The following ADAM12 variants were observed in gnomAD, a reference collection of about 807,000 sequenced individuals.
The protein encoded by ADAM12 is ADAM metallopeptidase domain 12.
A neutral mutation model predicts 106.4 loss-of-function variants in ADAM12; 70 were observed. That is an observed-to-expected ratio of 0.66 (90% confidence interval 0.54 to 0.80). The LOEUF (loss-of-function observed/expected upper bound fraction) is 0.80, where lower values mean the gene tolerates loss of function less well. ADAM12 is among the 30% of genes least tolerant of loss of function. The pLI, the probability that ADAM12 is intolerant of heterozygous loss-of-function variation, is 0.00. For synonymous variants in ADAM12, 420 were observed against 433.5 expected (o/e 0.97, Z 0.39); for missense variants, 1,010 against 1,171.9 (o/e 0.86, Z 2.02).
intron 2 of ADAM12, among the ~76,000 whole-genome samples, chr10:126,303,163 G>C (rs545282349): frequency 6.0e-4 from 91 of 152,290 alleles, no homozygotes; most frequent in African/African-American, 2.0e-3. Context: ...TTGCTGTTTT[G>C]GGAAGCATCG....
intron 2 of ADAM12, among the ~76,000 whole-genome samples, chr10:126,282,763 C>A (rs1269686703): frequency 1.3e-5 from 2 of 152,044 alleles, no homozygotes; most frequent in African/African-American, 4.8e-5. Context: ...TCTTAAAATG[C>A]TGTTATGCAT....
At chr10:126,373,520 G>A (rs897276169) in intron 1 of ADAM12, among the ~76,000 whole-genome samples, 2 of 152,208 alleles carry the variant, frequency 1.3e-5, no homozygotes, top group African/African-American at 4.8e-5. Context: ...CTTATTTTCT[G>A]TACATTTTTA....
At chr10:126,289,761 G>T (rs1395558740) in intron 2 of ADAM12, among the ~76,000 whole-genome samples, 1 of 152,226 alleles carries the variant, frequency 6.6e-6, no homozygotes, top group Admixed American at 6.5e-5. Context: ...AGGGGCCTCA[G>T]GCTAGAAGGC....
rs1433359673 is a variant in ADAM12 at position 126,015,914 on chromosome 10, AG to A, written c.*1364del. ...CCTTGTGAAACATGGCTCCCTAGTC[AG>A]GCATTTGAAGAGTGAAGAGTTCAAG... On this transcript the variant is annotated 3_prime_UTR_variant, in exon 23 of 23. Transcript: ENST00000448723. 1.3e-5 allele frequency: 2 copies of A among 152,226 alleles called. No individual in the cohort carries two copies. Among genetic ancestry groups the A allele is most frequent in the African/African-American group, 4.8e-5 (2 of 41,456 alleles). The allele number at this position is 152,226 out of a possible 1,614,324, so 9.4% of individuals were successfully genotyped here. A position where few individuals can be genotyped will look rare whatever the true frequency, so the allele number is the denominator to read the frequency against.
At chr10:126,377,727 G>C (rs971024251) in intron 1 of ADAM12, among the ~76,000 whole-genome samples, 8 of 152,136 alleles carry the variant, frequency 5.3e-5, no homozygotes, top group Non-Finnish European at 8.8e-5. Flanking sequence ...CTGGAACGGA[G>C]GTAAATAGAA....
chr10:126,208,647 C>A (rs1414219905), intron 3 of ADAM12, among the ~76,000 whole-genome samples: 2 of 152,132 alleles, frequency 1.3e-5, no homozygotes, highest in Admixed American at 1.3e-4. Context: ...GGGATAAAAT[C>A]TACACTCCAA....
chr10:126,365,326 TTAGAA>T (rs1437771003), intron 1 of ADAM12, among the ~76,000 whole-genome samples: 3 of 152,012 alleles, frequency 2.0e-5, no homozygotes, highest in African/African-American at 7.3e-5. Context: ...AAAATGCAAA[TTAGAA>T]TATTTTAACC....
In ADAM12 at chr10:126,064,196, G is replaced by C. The variant is rs377433160; in HGVS notation, c.1609+610C>G. 1.3e-5 allele frequency among the ~76,000 whole-genome samples: 2 copies of C among 152,128 alleles called. No individual in the cohort carries two copies. Among genetic ancestry groups the C allele is most frequent in the East Asian group, 3.9e-4 (2 of 5,192 alleles). On this transcript the variant is annotated intron_variant, in intron 14 of 22. Coordinates refer to ENST00000448723, the MANE Select transcript of ADAM12 (RefSeq NM_001288973.2). The surrounding 1 kb of genome is among the most constrained non-coding windows in gnomAD (Gnocchi z 4.4). ...GTGAACTGATGGTCTCTTGTTTGACGCAACCACCCCACTTTCCCATTTGAG... is the reference window on the plus strand; with the variant it reads ...GTGAACTGATGGTCTCTTGTTTGACCCAACCACCCCACTTTCCCATTTGAG...
In ADAM12 at chr10:126,144,256, C is replaced by T. The variant is rs913981681; in HGVS notation, c.340-8596G>A. On this transcript the variant is annotated intron_variant, in intron 4 of 22. Coordinates refer to ENST00000448723, the MANE Select transcript of ADAM12 (RefSeq NM_001288973.2). ...AGATCCATCCAGAATTGGAAATCTT[C>T]GGGTTGAGTCTCTCAGTTTTTAATC... Among the ~76,000 whole-genome samples, 14 of 152,288 alleles carry T rather than the reference C, an allele frequency of 9.2e-5. No homozygotes were observed. In the East Asian group the frequency reaches 1.9e-3, roughly 21 times the overall value.
At chr10:126,352,969 G>A (rs1430731510) in intron 1 of ADAM12, among the ~76,000 whole-genome samples, 5 of 152,204 alleles carry the variant, frequency 3.3e-5, no homozygotes, top group Non-Finnish European at 5.9e-5. Context: ...CTGACCACCA[G>A]CTAAAGTCAA....
chr10:126,316,997 T>C (rs1175126963), intron 2 of ADAM12, among the ~76,000 whole-genome samples: 1 of 152,192 alleles, frequency 6.6e-6, no homozygotes, highest in Non-Finnish European at 1.5e-5. Context: ...GCTGTAATAT[T>C]AATGATGTGA....
At chr10:126,190,716 G>A (rs2133802035) in intron 3 of ADAM12, among the ~76,000 whole-genome samples, 1 of 152,276 alleles carries the variant, frequency 6.6e-6, no homozygotes, top group East Asian at 1.9e-4. Context: ...AAGGTGGTGA[G>A]GAACAGACCT....
chr10:126,215,791 G>A (rs557325136), intron 3 of ADAM12, among the ~76,000 whole-genome samples: 4 of 152,234 alleles, frequency 2.6e-5, no homozygotes, highest in African/African-American at 4.8e-5. Flanking sequence ...TGTCACCCCC[G>A]GCACAACAAC....
intron 2 of ADAM12, among the ~76,000 whole-genome samples, chr10:126,297,751 A>G (rs1177877914): frequency 1.3e-5 from 2 of 152,344 alleles, no homozygotes; most frequent in African/African-American, 4.8e-5. Flanking sequence ...AGCATTTCCA[A>G]AGTAATAAAG....
intron 1 of ADAM12, among the ~76,000 whole-genome samples, chr10:126,341,185 T>C (rs1266474437): frequency 2.6e-5 from 4 of 152,200 alleles, no homozygotes. Context: ...CGTCATCCTT[T>C]ATCCCGCCTA....
intron 3 of ADAM12, among the ~76,000 whole-genome samples, chr10:126,242,587 T>C (rs992124498): frequency 2.6e-5 from 4 of 152,184 alleles, no homozygotes; most frequent in Admixed American, 2.6e-4. Flanking sequence ...TCCTGGCCCG[T>C]CCACAGTGGG....
chr10:126,287,928 C>A (rs1458846514), intron 2 of ADAM12, among the ~76,000 whole-genome samples: 1 of 149,950 alleles, frequency 6.7e-6, no homozygotes, highest in Non-Finnish European at 1.5e-5. Context: ...ACATTACAGT[C>A]CCCACACCCG....
chr10:126,295,909 A>AG (rs1491442360), intron 2 of ADAM12, among the ~76,000 whole-genome samples: 8 of 115,764 alleles, frequency 6.9e-5, no homozygotes, highest in East Asian at 2.6e-4. Context: ...ACACACACAC[A>AG]AACACACACA....
At chr10:126,179,116 AC>A (rs1005126015) in intron 3 of ADAM12, among the ~76,000 whole-genome samples, 3 of 152,186 alleles carry the variant, frequency 2.0e-5, no homozygotes, top group Admixed American at 6.5e-5. Context: ...GTCCCTATCA[AC>A]GTGACTGTAG....
Sources: allele counts gnomAD v4.1 joint callset (sites outside exome capture counted in the v4.1 genomes callset), GRCh38; gene constraint gnomAD v4.1.1; non-coding constraint Gnocchi (gnomAD v3.1); transcripts MANE v1.5; gene names NCBI Gene and HGNC (gene_info 2026-07-23, HGNC 2026-07-21).